The following PDE4D variants were observed in gnomAD, a reference collection of about 807,000 sequenced individuals.
PDE4D encodes the protein 3',5'-cyclic-AMP phosphodiesterase 4D.
A neutral mutation model predicts 87.4 loss-of-function variants in PDE4D; 24 were observed. The observed-to-expected ratio is 0.27, with a 90% confidence interval of 0.20 to 0.39. The LOEUF (loss-of-function observed/expected upper bound fraction) is 0.39. Among genes scored for constraint, PDE4D ranks in the 10% least tolerant of loss-of-function variants. The pLI, the probability that PDE4D is intolerant of heterozygous loss-of-function variation, is 1.00. For synonymous variants in PDE4D, 384 were observed against 383.2 expected (o/e 1.00, Z -0.02); for missense variants, 714 against 1,041.0 (o/e 0.69, Z 4.32).
At chr5:60,174,764 A>G (rs1582966004) in intron 2 of PDE4D, among the ~76,000 whole-genome samples, 1 of 152,062 alleles carries the variant, frequency 6.6e-6, no homozygotes, top group Non-Finnish European at 1.5e-5. Context: ...ATTTCTGAGG[A>G]GAAATTTGCT....
At chr5:60,118,173 T>C (rs983324338) in intron 2 of PDE4D, among the ~76,000 whole-genome samples, 2 of 152,144 alleles carry the variant, frequency 1.3e-5, no homozygotes, top group Non-Finnish European at 2.9e-5. Context: ...CAAACAAGTT[T>C]CTGTCATTAA....
intron 1 of PDE4D, among the ~76,000 whole-genome samples, chr5:59,283,040 C>T (rs1174845641): frequency 6.6e-6 from 1 of 152,134 alleles, no homozygotes; most frequent in Non-Finnish European, 1.5e-5. Context: ...TGTTTGATTG[C>T]AAACAAATTA....
At chr5:59,315,800 A>G (rs1324648409) in intron 1 of PDE4D, among the ~76,000 whole-genome samples, 1 of 152,170 alleles carries the variant, frequency 6.6e-6, no homozygotes, top group Non-Finnish European at 1.5e-5. Context: ...GTGCATAACT[A>G]CAACCACCAA....
chr5:60,328,773 T>C (rs1757034911), intron 1 of PDE4D, among the ~76,000 whole-genome samples: 1 of 152,212 alleles, frequency 6.6e-6, no homozygotes, highest in African/African-American at 2.4e-5. Context: ...CATTTTGGTA[T>C]AAGGATTAGT....
At chr5:59,332,896 C>T (rs1211195267) in intron 1 of PDE4D, among the ~76,000 whole-genome samples, 1 of 152,152 alleles carries the variant, frequency 6.6e-6, no homozygotes, top group African/African-American at 2.4e-5. Flanking sequence ...TAGCCATTTG[C>T]CATCAAGAGG....
At chr5:59,281,676 T>C (rs868358197) in intron 1 of PDE4D, among the ~76,000 whole-genome samples, 1 of 152,274 alleles carries the variant, frequency 6.6e-6, no homozygotes, top group South Asian at 2.1e-4. Context: ...TTTTTCATCC[T>C]TCCAAATCGA....
At chr5:59,497,013 C>T (rs183514959) in intron 1 of PDE4D, among the ~76,000 whole-genome samples, 28 of 152,274 alleles carry the variant, frequency 1.8e-4, no homozygotes, top group Admixed American at 1.8e-3. Context: ...AACAAAATTA[C>T]ATCACTACAA....
chr5:59,632,665 A>G (rs903811810), intron 1 of PDE4D, among the ~76,000 whole-genome samples: 1 of 152,238 alleles, frequency 6.6e-6, no homozygotes, highest in Non-Finnish European at 1.5e-5. Flanking sequence ...AGGAAAACTA[A>G]CAAACAAAAA....
intron 1 of PDE4D, among the ~76,000 whole-genome samples, chr5:60,457,541 G>A (rs945338789): frequency 6.6e-6 from 1 of 152,078 alleles, no homozygotes; most frequent in African/African-American, 2.4e-5. Flanking sequence ...TAATATATCA[G>A]GGCCCTCAAG....
At chr5:60,380,767 G>A (rs758070348) in intron 1 of PDE4D, among the ~76,000 whole-genome samples, 1 of 152,164 alleles carries the variant, frequency 6.6e-6, no homozygotes, top group Non-Finnish European at 1.5e-5. Flanking sequence ...ATAGAAAAGG[G>A]CAGAGATAAT....
At chr5:60,154,169 T>C (rs1301424359) in intron 2 of PDE4D, among the ~76,000 whole-genome samples, 2 of 152,228 alleles carry the variant, frequency 1.3e-5, no homozygotes, top group African/African-American at 4.8e-5. Context: ...TCCCATGGCA[T>C]CATGAGATCA....
Position 59,913,395 on chromosome 5 carries a change from C to A in PDE4D, c.272+75093G>T, listed in dbSNP as rs184050935. ...ACAATGTTCTGTTTAGAAAAGCTAACAGTAACACCTTTCATATATGTGAGA... is the reference window on the plus strand; with the variant it reads ...ACAATGTTCTGTTTAGAAAAGCTAAAAGTAACACCTTTCATATATGTGAGA... On this transcript the variant is annotated intron_variant, in intron 3 of 16. Transcript: ENST00000502484. Among the ~76,000 whole-genome samples, 131 of 152,244 alleles carry A rather than the reference C, an allele frequency of 8.6e-4. 1 individual carries two copies. The highest frequency in any genetic ancestry group is 2.9e-3 in the African/African-American group (119 of 41,552).
At chr5:60,085,709 T>G (rs571853140) in intron 2 of PDE4D, among the ~76,000 whole-genome samples, 1 of 152,324 alleles carries the variant, frequency 6.6e-6, no homozygotes, top group East Asian at 1.9e-4. Flanking sequence ...TTTCTACATC[T>G]TTAAAAATCC....
intron 5 of PDE4D, among the ~76,000 whole-genome samples, chr5:59,138,790 G>T (rs75637908): frequency 6.6e-6 from 1 of 152,112 alleles, no homozygotes; most frequent in African/African-American, 2.4e-5. Context: ...TACATTTTCT[G>T]GGGTTTCATA....
At chr5:60,468,628 A>T (rs1232115925) in intron 1 of PDE4D, among the ~76,000 whole-genome samples, 1 of 150,780 alleles carries the variant, frequency 6.6e-6, no homozygotes, top group Non-Finnish European at 1.5e-5. Context: ...TTTTTTTTTT[A>T]AGAGTCAGGG....
At chr5:59,575,130 A>G (rs1203044337) in intron 1 of PDE4D, among the ~76,000 whole-genome samples, 2 of 152,236 alleles carry the variant, frequency 1.3e-5, no homozygotes, top group South Asian at 2.1e-4. Flanking sequence ...CATATAATAC[A>G]AAGCTAGTAC....
chr5:59,542,345 G>A (rs1816501630), intron 1 of PDE4D, among the ~76,000 whole-genome samples: 1 of 152,128 alleles, frequency 6.6e-6, no homozygotes, highest in Non-Finnish European at 1.5e-5. Context: ...ACACTGTACA[G>A]AGAGTACAGA....
intron 1 of PDE4D, among the ~76,000 whole-genome samples, chr5:59,775,694 AC>A (rs993549497): frequency 6.6e-6 from 1 of 152,226 alleles, no homozygotes; most frequent in Non-Finnish European, 1.5e-5. Context: ...ACAAGAAGAA[AC>A]AAACGTTTGT....
At chr5:59,830,304 C>A (rs1032580284) in intron 1 of PDE4D, among the ~76,000 whole-genome samples, 1 of 148,554 alleles carries the variant, frequency 6.7e-6, no homozygotes, top group Non-Finnish European at 1.5e-5. Flanking sequence ...GGATTAATAC[C>A]GCTTGAGTTT....
Sources: gnomAD v4.1 joint callset for allele counts (sites outside exome capture counted in the v4.1 genomes callset) on GRCh38, gnomAD v4.1.1 for gene constraint, MANE v1.5 for transcripts, NCBI Gene and HGNC (gene_info 2026-07-23, HGNC 2026-07-21) for gene names.